The following NEK10 variants were observed in gnomAD, a reference collection of about 807,000 sequenced individuals.
The protein encoded by NEK10 is NIMA related kinase 10.
NEK10 carries 122 observed loss-of-function variants against 159.8 expected under a neutral mutation model. The observed-to-expected ratio is 0.76, with a 90% CI of 0.66 to 0.89. The LOEUF is 0.89. Ranked by LOEUF, NEK10 falls within the 40% of genes least tolerant of loss-of-function variation. The pLI, the probability that NEK10 is intolerant of heterozygous loss-of-function variation, is 0.00. For missense variants in NEK10, 1,342 were observed against 1,323.1 expected (o/e 1.01, Z -0.22); for synonymous variants, 466 against 457.1 (o/e 1.02, Z -0.25).
intron 1 of NEK10, among the ~76,000 whole-genome samples, chr3:27,357,635 T>C (rs1051848481): frequency 4.6e-5 from 7 of 152,224 alleles, no homozygotes; most frequent in African/African-American, 1.7e-4. Context: ...CTGTAAATAT[T>C]TCTAAACTCT....
intron 6 of NEK10, among the ~76,000 whole-genome samples, chr3:27,318,979 A>C (rs1441477812): frequency 6.6e-6 from 1 of 152,212 alleles, no homozygotes; most frequent in East Asian, 1.9e-4. Context: ...GAACGTGTAA[A>C]TAATACCCAA....
intron 26 of NEK10, among the ~76,000 whole-genome samples, chr3:27,188,213 T>C (rs1469526960): frequency 1.3e-5 from 2 of 152,198 alleles, no homozygotes; most frequent in Non-Finnish European, 2.9e-5. Context: ...TCTGAGATCC[T>C]CCCTAGGCCT....
chr3:27,290,673 C>T lies in NEK10; in HGVS notation c.1687G>A (p.Asp563Asn), dbSNP rs746153882. 10 of 1,607,194 alleles carry T rather than the reference C, an allele frequency of 6.2e-6. No homozygotes were observed. Among genetic ancestry groups the T allele is most frequent in the Non-Finnish European group, 8.5e-6 (10 of 1,174,630 alleles). ...HNPAFGKDKK[D>N]RDSSVRNIVS... ...ATATTCCTTACGCTGCTGTCTCGAT[C>T]TTTCTTATCCTTTCCAAATGCTGGG... The change falls in exon 19 of 36, where the codon GAT (aspartate) becomes AAT (asparagine). Residue 563 changes from aspartate (D) to asparagine (N), a missense_variant. Coordinates refer to ENST00000691995, the MANE Select transcript of NEK10 (RefSeq NM_001394966.1).
At chr3:27,310,365 C>T (rs1041628935) in intron 9 of NEK10, 1 of 152,180 alleles carries the variant, frequency 6.6e-6, no homozygotes, top group Non-Finnish European at 1.5e-5. Flanking sequence ...CTAGAATCAT[C>T]CTCTAGACCA....
At chr3:27,140,401 C>T (rs1053953164) in intron 31 of NEK10, among the ~76,000 whole-genome samples, 11 of 152,134 alleles carry the variant, frequency 7.2e-5, no homozygotes, top group South Asian at 4.1e-4. Flanking sequence ...CAAGGAGAAC[C>T]GCAGCCATTT....
At chr3:27,286,063 T>C (rs1330641632) in intron 20 of NEK10, among the ~76,000 whole-genome samples, 1 of 149,096 alleles carries the variant, frequency 6.7e-6, no homozygotes, top group East Asian at 1.9e-4. Flanking sequence ...TATGTATTTT[T>C]AAGCCATTTC....
chr3:27,203,298 T>C (rs984867596), intron 23 of NEK10, among the ~76,000 whole-genome samples: 1 of 152,188 alleles, frequency 6.6e-6, no homozygotes, highest in South Asian at 2.1e-4. Flanking sequence ...TGATAGAGCC[T>C]TTCCCTTTGC....
At chr3:27,174,547 A>T in intron 27 of NEK10, 22 bp from the exon 28 acceptor site, 1 of 1,601,350 alleles carries the variant, frequency 6.2e-7, no homozygotes, top group Non-Finnish European at 8.5e-7. Context: ...TAAAAACAAT[A>T]AAAAAGCAAA....
intron 30 of NEK10, among the ~76,000 whole-genome samples, chr3:27,157,908 G>A (rs1945642550): frequency 1.3e-5 from 2 of 152,168 alleles, no homozygotes; most frequent in African/African-American, 4.8e-5. Flanking sequence ...AAATGATTAT[G>A]TCTTGTTAAA....
At chr3:27,257,085 T>C (rs1056717895) in intron 22 of NEK10, among the ~76,000 whole-genome samples, 1 of 152,034 alleles carries the variant, frequency 6.6e-6, no homozygotes, top group Admixed American at 6.5e-5. Flanking sequence ...CCGGCTAATT[T>C]TTGTAGTTTT....
intron 23 of NEK10, among the ~76,000 whole-genome samples, chr3:27,226,771 T>C (rs186044766): frequency 4.6e-4 from 70 of 152,270 alleles, no homozygotes; most frequent in African/African-American, 1.6e-3. Context: ...AAAATGGAAA[T>C]AAAAATACTT....
At chr3:27,243,228 A>G (rs1328747488) in intron 23 of NEK10, among the ~76,000 whole-genome samples, 1 of 152,112 alleles carries the variant, frequency 6.6e-6, no homozygotes, top group African/African-American at 2.4e-5. Flanking sequence ...AAGATAAAAA[A>G]GTTAATAATT....
At chr3:27,131,348 T>C (rs1942601196) in intron 32 of NEK10, among the ~76,000 whole-genome samples, 1 of 152,214 alleles carries the variant, frequency 6.6e-6, no homozygotes, top group Non-Finnish European at 1.5e-5. Flanking sequence ...CAATTTTCTT[T>C]CTGCCCAGTT....
chr3:27,248,252 C>T lies in NEK10; in HGVS notation c.2090+8044G>A, dbSNP rs951940073. On this transcript the variant is annotated intron_variant, in intron 23 of 35. Coordinates refer to ENST00000691995, the MANE Select transcript of NEK10 (RefSeq NM_001394966.1). ...CCCTGATTGTATTTATTTGGGTCTTCTCCCTTTTTTTTAGTCTGTCTAAAG... is the reference window on the plus strand; with the variant it reads ...CCCTGATTGTATTTATTTGGGTCTTTTCCCTTTTTTTTAGTCTGTCTAAAG... 8.6e-5 allele frequency among the ~76,000 whole-genome samples: 13 copies of T among 152,026 alleles called. 1 individual carries two copies. The highest frequency in any genetic ancestry group is 7.9e-4 in the Admixed American group (12 of 15,252).
chr3:27,121,714 C>T (rs900425210), intron 32 of NEK10, among the ~76,000 whole-genome samples: 10 of 152,160 alleles, frequency 6.6e-5, no homozygotes, highest in African/African-American at 2.4e-4. Flanking sequence ...ACGTATTTAT[C>T]AGCAGCATGA....
chr3:27,300,265 A>C (rs1241921031), intron 13 of NEK10, among the ~76,000 whole-genome samples: 1 of 152,130 alleles, frequency 6.6e-6, no homozygotes, highest in Non-Finnish European at 1.5e-5. Flanking sequence ...GATTGTTTTT[A>C]AAATGTTTTT....
Position 27,353,234 on chromosome 3 carries a change from A to G in NEK10, c.-37-315T>C, listed in dbSNP as rs574340924. 1.2e-3 allele frequency among the ~76,000 whole-genome samples: 186 copies of G among 152,326 alleles called. 1 individual carries two copies. The highest frequency in any genetic ancestry group is 4.2e-3 in the African/African-American group (174 of 41,584). On this transcript the variant is annotated intron_variant, in intron 1 of 35. Coordinates refer to ENST00000691995, the MANE Select transcript of NEK10 (RefSeq NM_001394966.1). Reference sequence around the variant, plus strand: ...CAATTATTTTAATTTTCAGAATAGAAATAGAAAGTTGAAGATGCCCATATT... The same window carrying G: ...CAATTATTTTAATTTTCAGAATAGAGATAGAAAGTTGAAGATGCCCATATT...
At chr3:27,282,538 TTATATATATA>T (rs10525422) in intron 22 of NEK10, among the ~76,000 whole-genome samples, 5 of 42,132 alleles carry the variant, frequency 1.2e-4, no homozygotes, top group East Asian at 6.2e-4. Flanking sequence ...CATAAATGTG[TTATATATATA>T]TATATATATA....
At chr3:27,321,476 G>A (rs1159617339) in intron 6 of NEK10, among the ~76,000 whole-genome samples, 2 of 152,186 alleles carry the variant, frequency 1.3e-5, no homozygotes, top group Admixed American at 1.3e-4. Flanking sequence ...TTTGAGACCA[G>A]CCTGGCCAAC....
Sources: allele counts gnomAD v4.1 joint callset (sites outside exome capture counted in the v4.1 genomes callset), GRCh38; gene constraint gnomAD v4.1.1; transcripts MANE v1.5; gene names NCBI Gene and HGNC (gene_info 2026-07-23, HGNC 2026-07-21).